Variants in BIRC6 observed in about 807,000 individuals in gnomAD.
The protein encoded by BIRC6 is dual E2 ubiquitin-conjugating enzyme/E3 ubiquitin-protein ligase BIRC6.
In BIRC6, 98 loss-of-function variants were observed where a neutral mutation model predicts 503.3. The observed-to-expected ratio is 0.19, with a 90% CI of 0.17 to 0.23. The LOEUF (loss-of-function observed/expected upper bound fraction) is 0.23. Among genes scored for constraint, BIRC6 ranks in the 10% least tolerant of loss-of-function variants. The pLI is 1.00. For synonymous variants in BIRC6, 2,240 were observed against 2,078.7 expected (o/e 1.08, Z -2.11); for missense variants, 5,360 against 5,806.0 (o/e 0.92, Z 2.50).
chr2:32,409,519 T>C (rs1160486902), intron 9 of BIRC6, among the ~76,000 whole-genome samples: 3 of 152,118 alleles, frequency 2.0e-5, no homozygotes. Flanking sequence ...TGTTTTTTAG[T>C]TGGAGGTTAT....
chr2:32,551,912 T>A (rs2058450917), intron 65 of BIRC6, among the ~76,000 whole-genome samples: 2 of 152,210 alleles, frequency 1.3e-5, no homozygotes, highest in Non-Finnish European at 2.9e-5. Flanking sequence ...GTGAGAGTAG[T>A]CCTCATAATT....
chr2:32,439,743 T>C, intron 16 of BIRC6, 57 bp downstream of exon 16: 2 of 1,474,006 alleles, frequency 1.4e-6, no homozygotes, highest in East Asian at 2.3e-5. Context: ...GTGGATCAGA[T>C]TTAACACACT....
intron 26 of BIRC6, among the ~76,000 whole-genome samples, chr2:32,466,201 C>CT (rs2048521367): frequency 6.6e-6 from 1 of 151,958 alleles, no homozygotes; most frequent in African/African-American, 2.4e-5. Flanking sequence ...TAGTTGTTTT[C>CT]CTTCACTATA....
rs753062991 is a variant in BIRC6, at chr2:32,617,731, A to C, written c.14401A>C (p.Thr4801Pro). 1.7e-5 allele frequency: 28 copies of C among 1,613,750 alleles called. No individual in the cohort carries two copies. Among genetic ancestry groups the C allele is most frequent in the Non-Finnish European group, 2.4e-5 (28 of 1,179,780 alleles). Reference sequence around the variant, plus strand: ...GTCCTTTTCTCCTGCATAGCGTCACACTGCTCAGCTCCGCGAAGAGTTGCT... The same window carrying C: ...GTCCTTTTCTCCTGCATAGCGTCACCCTGCTCAGCTCCGCGAAGAGTTGCT... ...SHHAAALKRHTAQLREELLKL... is the reference protein window; with the variant it reads ...SHHAAALKRHPAQLREELLKL... Residue 4801 changes from threonine to proline, a missense_variant, in exon 74 of 74, where the codon ACT (threonine) becomes CCT (proline). Thr to Pro is a conservative substitution (Grantham distance 38). Around this residue, in one of 16 missense-constraint regions of BIRC6, gnomAD observed 140 missense variants for 130.2 expected, o/e 1.07. Coordinates refer to ENST00000421745, the MANE Select transcript of BIRC6 (RefSeq NM_016252.4).
chr2:32,357,301 CG>C lies in BIRC6; in HGVS notation c.145del (p.Ala49ArgfsTer67). On this transcript the variant is annotated frameshift_variant, in exon 1 of 74. Coordinates refer to ENST00000421745, the MANE Select transcript of BIRC6 (RefSeq NM_016252.4). LOFTEE classifies it high-confidence loss of function. This position sits in a 1 kb window ranked among gnomAD's most constrained non-coding sequence, Gnocchi z 4.9. ...CCCGGCTGCTCCTCGGCGGCGGGGGCGGGGGCGGCCGGGGTCTCAGAGTGGC... is the reference window on the plus strand; with the variant it reads ...CCCGGCTGCTCCTCGGCGGCGGGGGCGGGGCGGCCGGGGTCTCAGAGTGGC... ...SGPGCSSAAG[A>X]GAAGVSEWLV... The C allele has an allele frequency of 6.6e-7, 1 of 1,525,680 alleles. No individual in the cohort carries two copies. Among genetic ancestry groups the C allele is most frequent in the South Asian group, 1.2e-5 (1 of 82,236 alleles). The allele number at this position is 1,525,680 out of a possible 1,614,324, so 94.5% of individuals were successfully genotyped here. A position where few individuals can be genotyped will look rare whatever the true frequency, so the allele number is the denominator to read the frequency against.
In BIRC6 at chr2:32,357,645, C is replaced by A. The variant is rs1000724712; in HGVS notation, c.325+159C>A. The stretch of plus-strand genomic sequence containing the variant: ...AGGCCCGGAAGCTGATGGAGGGGGA[C>A]CTTAGGACTTGGCTTTTTCAGCGGC... On this transcript the variant is annotated intron_variant, in intron 1 of 73. Transcript: ENST00000421745. The surrounding 1 kb of genome is among the most constrained non-coding windows in gnomAD (Gnocchi z 4.9). 1.3e-5 allele frequency among the ~76,000 whole-genome samples: 2 copies of A among 152,156 alleles called. No individual in the cohort carries two copies. Among genetic ancestry groups the A allele is most frequent in the African/African-American group, 4.8e-5 (2 of 41,512 alleles).
In BIRC6 at chr2:32,545,876, A is replaced by G. The variant is rs749892293; in HGVS notation, c.12810+16A>G. On this transcript the variant is annotated intron_variant, in intron 63 of 73. Transcript: ENST00000421745. The stretch of plus-strand genomic sequence containing the variant: ...TCAAACTGAGGTAGGTTCACTTTTA[A>G]TTATTTCAGTTATTAAAAAAACTAG... 6.3e-7 allele frequency: 1 copy of G among 1,599,056 alleles called. No homozygotes were observed. The highest frequency in any genetic ancestry group is 8.6e-7 in the Non-Finnish European group (1 of 1,166,816).
rs562182343 is a variant in BIRC6 at position 32,419,291 on chromosome 2, G to T, written c.2872+3128G>T. ...CAAATAACATAAAACTATTTTTCTT[G>T]TGGAGAATCAAGTCTTTTCATAAAA... On this transcript the variant is annotated intron_variant, in intron 10 of 73. Transcript: ENST00000421745. 2.9e-3 allele frequency among the ~76,000 whole-genome samples: 438 copies of T among 152,198 alleles called. 2 individuals carry two copies. Among genetic ancestry groups the T allele is most frequent in the African/African-American group, 9.9e-3 (411 of 41,560 alleles).
intron 57 of BIRC6, chr2:32,521,874 C>T (rs1005747308): frequency 2.6e-5 from 4 of 151,994 alleles, no homozygotes; most frequent in Non-Finnish European, 4.4e-5. Flanking sequence ...TGATTGTGTG[C>T]CTTACAATTT....
intron 24 of BIRC6, among the ~76,000 whole-genome samples, chr2:32,464,272 C>G (rs935085101): frequency 2.0e-5 from 3 of 152,174 alleles, no homozygotes; most frequent in Non-Finnish European, 4.4e-5. Context: ...TTCCTTTTCA[C>G]CACTACCTTG....
intron 53 of BIRC6, among the ~76,000 whole-genome samples, chr2:32,511,201 CTTTTTTTTTT>C: frequency 1.0e-4 from 5 of 48,582 alleles, no homozygotes; most frequent in South Asian, 1.0e-3. Context: ...CTTTTCTTTT[CTTTTTTTTTT>C]TTTTTTTTTT....
chr2:32,503,070 G>C lies in BIRC6; in HGVS notation c.9333G>C (p.Met3111Ile). The change falls in exon 49 of 74, where the codon ATG becomes ATC. Residue 3111 changes from methionine to isoleucine, a missense_variant. Met to Ile is a conservative substitution (Grantham distance 10, BLOSUM62 1). Transcript: ENST00000421745. ...MGGVQLICNN[M>I]VTSTRAIVNT... ...GTGTTCAGCTCATATGCAATAATAT[G>C]GTTACTAGTACAAGGGCTATTGTGA... 1.2e-6 allele frequency: 2 copies of C among 1,605,002 alleles called. No homozygotes were observed. The highest frequency in any genetic ancestry group is 1.7e-6 in the Non-Finnish European group (2 of 1,175,768).
At chr2:32,494,535 T>C (rs929812537) in intron 45 of BIRC6, among the ~76,000 whole-genome samples, 2 of 151,952 alleles carry the variant, frequency 1.3e-5, no homozygotes, top group African/African-American at 4.8e-5. Context: ...CGAAAAGTTT[T>C]AATGAATTAT....
intron 1 of BIRC6, among the ~76,000 whole-genome samples, chr2:32,361,311 A>G (rs539136455): frequency 4.3e-4 from 65 of 152,314 alleles, no homozygotes; most frequent in African/African-American, 1.2e-3. Flanking sequence ...ACTTCCTTAT[A>G]TACTAATTGC....
rs563416684 is a variant in BIRC6 at position 32,564,592 on chromosome 2, C to T, written c.13145-10564C>T. The T allele has an allele frequency of 4.6e-5, 7 of 152,304 alleles. No homozygotes were observed. In the South Asian group the frequency reaches 1.0e-3, roughly 23 times the overall value. 9.4% of individuals were successfully genotyped at this position (152,304 alleles called of 1,614,324 possible). A position where few individuals can be genotyped will look rare whatever the true frequency, so the allele number is the denominator to read the frequency against. The stretch of plus-strand genomic sequence containing the variant: ...GTTTTAATTTGCATTTCTTTGATGA[C>T]TAAGTATGTTAAGCATATTTTCATG... On this transcript the variant is annotated intron_variant, in intron 65 of 73. Transcript: ENST00000421745.
intron 56 of BIRC6, 79 bp downstream of exon 56, chr2:32,518,476 A>G (rs1352094707): frequency 1.3e-5 from 18 of 1,421,082 alleles, no homozygotes; most frequent in Non-Finnish European, 1.5e-5. Context: ...GTTACCTCCT[A>G]TGTTCTAACT....
chr2:32,611,462 T>A lies in BIRC6; in HGVS notation c.14274T>A (p.His4758Gln). Reference protein sequence around the residue: ...SPCFKEVIHKHFYLKRVEIMA... With the variant: ...SPCFKEVIHKQFYLKRVEIMA... Reference sequence around the variant, plus strand: ...TTTTTCTCAAGGTAATACACAAACATTTTTACTTGAAAAGAGTTGAGATAA... The same window carrying A: ...TTTTTCTCAAGGTAATACACAAACAATTTTACTTGAAAAGAGTTGAGATAA... Residue 4758 changes from histidine to glutamine, a missense_variant, in exon 73 of 74, where the codon CAT becomes CAA. His to Gln is a conservative substitution (Grantham distance 24). Around this residue, in one of 16 missense-constraint regions of BIRC6, gnomAD observed 140 missense variants for 130.2 expected, o/e 1.07. Transcript: ENST00000421745. 6.2e-7 allele frequency: 1 copy of A among 1,607,750 alleles called. No homozygotes were observed. Among genetic ancestry groups the A allele is most frequent in the Admixed American group, 1.7e-5 (1 of 59,526 alleles).
At chr2:32,521,403 A>G (rs1401824079) in intron 57 of BIRC6, among the ~76,000 whole-genome samples, 1 of 148,590 alleles carries the variant, frequency 6.7e-6, no homozygotes, top group East Asian at 1.9e-4. Context: ...AGCAAAGACA[A>G]CAAGAGAATA....
intron 45 of BIRC6, 111 bp downstream of exon 45, chr2:32,493,778 G>T: frequency 2.3e-6 from 2 of 858,286 alleles, no homozygotes; most frequent in South Asian, 1.9e-5. Flanking sequence ...ATAAGCAGGA[G>T]GACGGTAGTA....
Sources: gnomAD v4.1 joint callset for allele counts (sites outside exome capture counted in the v4.1 genomes callset) on GRCh38, gnomAD v4.1.1 for gene constraint, gnomAD v4.1.1 regional missense constraint, Gnocchi (gnomAD v3.1) non-coding constraint, MANE v1.5 for transcripts, NCBI Gene and HGNC (gene_info 2026-07-23, HGNC 2026-07-21) for gene names.